Variants in PCDH15 observed in about 807,000 individuals in gnomAD.
PCDH15 encodes the protein protocadherin-15.
Under a neutral mutation model 178.5 loss-of-function variants are expected in PCDH15, and 129 were observed. The observed-to-expected ratio is 0.72, with a 90% CI of 0.63 to 0.84. The LOEUF (loss-of-function observed/expected upper bound fraction) is 0.84, where lower values mean the gene tolerates loss of function less well. Ranked by LOEUF, PCDH15 falls within the 40% of genes least tolerant of loss-of-function variation. The probability of loss-of-function intolerance (pLI) is 0.00; values close to 1 mark genes in which losing one functional copy is unlikely to be tolerated. For synonymous variants in PCDH15, 800 were observed against 732.0 expected, an observed-to-expected ratio of 1.09 and a Z score of -1.50; for missense variants, 2,230 against 2,099.9, an observed-to-expected ratio of 1.06 and a Z score of -1.21.
chr10:53,910,550 T>G (rs1389434441), intron 25 of PCDH15, among the ~76,000 whole-genome samples: 1 of 151,990 alleles, frequency 6.6e-6, no homozygotes, highest in Non-Finnish European at 1.5e-5. Context: ...ACCACAAAAA[T>G]GGGAAGAAAC....
intron 37 of PCDH15, among the ~76,000 whole-genome samples, chr10:53,809,976 T>A (rs116484752): frequency 3.5e-4 from 54 of 152,310 alleles, no homozygotes; most frequent in African/African-American, 1.3e-3. Context: ...AAATCTATTT[T>A]ATGAAATTTT....
At chr10:54,245,971 AT>A (rs1354354075) in intron 8 of PCDH15, among the ~76,000 whole-genome samples, 1 of 151,994 alleles carries the variant, frequency 6.6e-6, no homozygotes, top group Non-Finnish European at 1.5e-5. Flanking sequence ...CTGATGAATT[AT>A]CACAATGTTA....
At chr10:55,125,024 C>T (rs1837861516) in intron 2 of PCDH15, among the ~76,000 whole-genome samples, 1 of 152,058 alleles carries the variant, frequency 6.6e-6, no homozygotes, top group South Asian at 2.1e-4. Context: ...CTCTTAACAA[C>T]TTAAAGGCCC....
chr10:54,168,838 G>A (rs557192065), intron 13 of PCDH15, among the ~76,000 whole-genome samples: 73 of 151,834 alleles, frequency 4.8e-4, no homozygotes, highest in African/African-American at 9.7e-4. Flanking sequence ...ATTAAATTCC[G>A]GCCCTCAAAC....
chr10:54,008,640 C>T (rs1000233990), intron 20 of PCDH15, among the ~76,000 whole-genome samples: 1 of 152,188 alleles, frequency 6.6e-6, no homozygotes, highest in African/African-American at 2.4e-5. Context: ...ACCACACCCT[C>T]ATCAGAGAAA....
intron 2 of PCDH15, among the ~76,000 whole-genome samples, chr10:54,625,015 C>A (rs1264769606): frequency 2.0e-5 from 3 of 152,010 alleles, no homozygotes; most frequent in African/African-American, 7.3e-5. Flanking sequence ...AAAATCATCC[C>A]CCCACCCCAC....
chr10:55,564,006 A>G (rs1238913021), intron 2 of PCDH15, among the ~76,000 whole-genome samples: 1 of 151,928 alleles, frequency 6.6e-6, no homozygotes. Flanking sequence ...AGGTAAACGC[A>G]TGGACAATAT....
intron 2 of PCDH15, among the ~76,000 whole-genome samples, chr10:55,143,155 A>G (rs1838399720): frequency 6.6e-6 from 1 of 151,956 alleles, no homozygotes; most frequent in Non-Finnish European, 1.5e-5. Flanking sequence ...CACGATTGTA[A>G]GTTTCCTGTG....
intron 2 of PCDH15, among the ~76,000 whole-genome samples, chr10:55,602,080 G>C (rs1318607463): frequency 6.6e-6 from 1 of 152,126 alleles, no homozygotes; most frequent in Admixed American, 6.5e-5. Context: ...CTCGGGAGGC[G>C]CAAGGGGTCA....
At chr10:54,222,375 G>A (rs1009635062) in intron 9 of PCDH15, among the ~76,000 whole-genome samples, 1 of 152,072 alleles carries the variant, frequency 6.6e-6, no homozygotes, top group African/African-American at 2.4e-5. Flanking sequence ...TGACTGATTT[G>A]TTCATCACCA....
intron 2 of PCDH15, among the ~76,000 whole-genome samples, chr10:55,610,330 A>G (rs954266499): frequency 6.6e-6 from 1 of 152,118 alleles, no homozygotes; most frequent in African/African-American, 2.4e-5. Context: ...ATCATTCATT[A>G]TTCACTGTGA....
chr10:54,747,097 G>A (rs1012574342), intron 1 of PCDH15, among the ~76,000 whole-genome samples: 1 of 152,180 alleles, frequency 6.6e-6, no homozygotes, highest in Non-Finnish European at 1.5e-5. Flanking sequence ...GAGACTTAAT[G>A]CTAACTGCTT....
chr10:54,327,896 C>T (rs1039332703), intron 7 of PCDH15, among the ~76,000 whole-genome samples: 1 of 152,016 alleles, frequency 6.6e-6, no homozygotes, highest in Non-Finnish European at 1.5e-5. Context: ...CATGTCTCCA[C>T]ACGTGCACAT....
chr10:55,488,357 G>A (rs1326157161), intron 2 of PCDH15, among the ~76,000 whole-genome samples: 1 of 151,480 alleles, frequency 6.6e-6, no homozygotes, highest in African/African-American at 2.4e-5. Context: ...GTGCCTTAAG[G>A]AATTATCTAA....
At position 55,023,561 on chromosome 10, in the gene PCDH15, C is replaced by CCA. The variant is rs555021294; in HGVS notation, c.-79-126063_-79-126062dup. Among the ~76,000 whole-genome samples, 268 of 151,726 alleles carry CCA rather than the reference C, an allele frequency of 1.8e-3. 1 individual carries two copies. The highest frequency in any genetic ancestry group is 6.4e-3 in the African/African-American group (265 of 41,440). ...CTAGATCGACTATTAATCTTCCTCA[C>CCA]CACACACACACAGACACACACACAA... On this transcript the variant is annotated intron_variant, in intron 2 of 5. Transcript: ENST00000458638.
chr10:55,053,046 C>T (rs1011859188), intron 2 of PCDH15, among the ~76,000 whole-genome samples: 17 of 152,106 alleles, frequency 1.1e-4, no homozygotes, highest in Admixed American at 7.2e-4. Context: ...CATCTCTAAA[C>T]GTACATGACA....
intron 14 of PCDH15, among the ~76,000 whole-genome samples, chr10:54,147,031 A>C (rs1356234520): frequency 7.3e-6 from 1 of 137,244 alleles, no homozygotes; most frequent in Non-Finnish European, 1.5e-5. Flanking sequence ...ATATATACAA[A>C]TATATAATAT....
chr10:55,355,893 T>C (rs961860073), intron 2 of PCDH15, among the ~76,000 whole-genome samples: 14 of 151,956 alleles, frequency 9.2e-5, no homozygotes, highest in African/African-American at 3.4e-4. Flanking sequence ...TAACCTGGAT[T>C]AACATGCTTT....
At chr10:54,576,920 T>C (rs942529845) in intron 2 of PCDH15, among the ~76,000 whole-genome samples, 6 of 145,522 alleles carry the variant, frequency 4.1e-5, no homozygotes, top group African/African-American at 1.5e-4. Context: ...TCTTGAGGAG[T>C]ACGCAATCTG....
Sources: allele counts gnomAD v4.1 joint callset (sites outside exome capture counted in the v4.1 genomes callset), GRCh38; gene constraint gnomAD v4.1.1; transcripts MANE v1.5; gene names NCBI Gene and HGNC (gene_info 2026-07-23, HGNC 2026-07-21).